Variants in JAG2 observed in about 807,000 individuals in gnomAD.
JAG2 encodes jagged canonical Notch ligand 2.
A neutral mutation model predicts 141.7 loss-of-function variants in JAG2; 46 were observed. The observed-to-expected ratio is 0.32, with a 90% CI of 0.26 to 0.42. The LOEUF (loss-of-function observed/expected upper bound fraction) is 0.42, where lower values mean the gene tolerates loss of function less well. JAG2 is among the 10% of genes least tolerant of loss of function. The pLI, the probability that JAG2 is intolerant of heterozygous loss-of-function variation, is 1.00. For synonymous variants in JAG2, 862 were observed against 763.5 expected, an observed-to-expected ratio of 1.13 and a Z score of -2.13; for missense variants, 1,500 against 1,817.5, an observed-to-expected ratio of 0.83 and a Z score of 3.18.
intron 2 of JAG2, among the ~76,000 whole-genome samples, chr14:105,161,531 G>A (rs587723737): frequency 2.6e-5 from 4 of 152,206 alleles, no homozygotes; most frequent in Admixed American, 6.5e-5. Context: ...ACCTGCTCCC[G>A]CAGGGACGTG....
intron 2 of JAG2, among the ~76,000 whole-genome samples, chr14:105,161,717 T>C (rs79671032): frequency 1.3e-5 from 2 of 152,220 alleles, no homozygotes; most frequent in South Asian, 4.1e-4. Flanking sequence ...CCAGGACTTA[T>C]TTGCCTCTTC....
intron 2 of JAG2, among the ~76,000 whole-genome samples, chr14:105,166,931 G>A (rs746441068): frequency 1.2e-4 from 18 of 152,170 alleles, no homozygotes; most frequent in Non-Finnish European, 2.5e-4. Flanking sequence ...CCGTGCTCCA[G>A]GCAATGAGGT....
rs764681336 is a variant in JAG2 at position 105,155,765 on chromosome 14, C to T, written c.700G>A (p.Gly234Ser). 1.1e-5 allele frequency: 17 copies of T among 1,612,936 alleles called. No individual in the cohort carries two copies. The highest frequency in any genetic ancestry group is 1.7e-5 in the Admixed American group (1 of 60,012). ...TCCTTGCACTCCTTGCCCATCCAGC[C>T]GTCCATGCAGGCCTTGTTGCCGTAC... ...DQYGNKACMDGWMGKECKEAV... is the reference protein window; with the variant it reads ...DQYGNKACMDSWMGKECKEAV... The change falls in exon 4 of 26, where the codon GGC (glycine) becomes AGC (serine). Residue 234 changes from glycine (G) to serine (S), a missense_variant. By Grantham distance (56) the Gly-to-Ser change is moderately conservative. Coordinates refer to ENST00000331782, the MANE Select transcript of JAG2 (RefSeq NM_002226.5).
chr14:105,143,031 CTGG>C lies in JAG2; in HGVS notation c.3378_3380del (p.Asn1126_Gln1127delinsLys), dbSNP rs1888110094. 6.2e-7 allele frequency: 1 copy of C among 1,605,440 alleles called. No homozygotes were observed. The highest frequency in any genetic ancestry group is 8.5e-7 in the Non-Finnish European group (1 of 1,179,678). On this transcript the variant is annotated inframe_deletion, in exon 26 of 26. Coordinates refer to ENST00000331782, the MANE Select transcript of JAG2 (RefSeq NM_002226.5). The stretch of plus-strand genomic sequence containing the variant: ...TGCGGATGGGGTTGAGCGGGGCCCA[CTGG>C]TTGTTGGCGCTCTCCTCCCGCGGCA...
At chr14:105,146,818 GGC>G in intron 20 of JAG2, 94 bp from the exon 21 acceptor site, 1 of 993,118 alleles carries the variant, frequency 1.0e-6, no homozygotes, top group Non-Finnish European at 1.6e-6. Context: ...GTGGCACACA[GGC>G]GCAAGCCCCA....
In JAG2 at chr14:105,143,045, T is replaced by G. The variant is rs755104757; in HGVS notation, c.3367A>C (p.Ser1123Arg). 4 of 1,603,792 alleles carry G rather than the reference T, an allele frequency of 2.5e-6. No homozygotes were observed. The highest frequency in any genetic ancestry group is 4.5e-5 in the East Asian group (2 of 44,880). The change falls in exon 26 of 26, where the codon AGC (serine) becomes CGC (arginine). Residue 1123 changes from serine (S) to arginine (R), a missense_variant. By Grantham distance (110) the Ser-to-Arg change is moderately radical. This residue lies in a region of JAG2 where 425 missense variants were observed against 441.0 expected (regional missense o/e 0.96). Coordinates refer to ENST00000331782, the MANE Select transcript of JAG2 (RefSeq NM_002226.5). ...AGCGGGGCCCACTGGTTGTTGGCGC[T>G]CTCCTCCCGCGGCAGCCGGCTCCTC... Reference protein sequence around the residue: ...RERSRLPREESANNQWAPLNP... With the variant: ...RERSRLPREERANNQWAPLNP...
intron 2 of JAG2, among the ~76,000 whole-genome samples, chr14:105,165,589 C>G (rs1888884735): frequency 1.3e-5 from 2 of 152,188 alleles, no homozygotes; most frequent in African/African-American, 4.8e-5. Context: ...GCACACAGAC[C>G]CCGGCCACAA....
In JAG2 at chr14:105,154,755, T is replaced by C. The variant is rs1230024006; in HGVS notation, c.788+807A>G. On this transcript the variant is annotated intron_variant, in intron 5 of 25. Transcript: ENST00000331782. This position sits in a 1 kb window ranked among gnomAD's most constrained non-coding sequence, Gnocchi z 4.4. Reference sequence around the variant, plus strand: ...GCCTCTCCCACGAGCTTTCTGGGTGTCTCCAGGGACAGGGCAGGCATCGCC... The same window carrying C: ...GCCTCTCCCACGAGCTTTCTGGGTGCCTCCAGGGACAGGGCAGGCATCGCC... Among the ~76,000 whole-genome samples, 1 of 151,578 alleles carries C rather than the reference T, an allele frequency of 6.6e-6. No individual in the cohort carries two copies. The highest frequency in any genetic ancestry group is 2.4e-5 in the African/African-American group (1 of 41,152).
intron 24 of JAG2, among the ~76,000 whole-genome samples, 176 bp from the exon 25 acceptor site, chr14:105,143,814 AGG>A (rs1888140036): frequency 7.7e-6 from 1 of 129,878 alleles, no homozygotes; most frequent in African/African-American, 3.1e-5. Context: ...TAGCGGGGGG[AGG>A]AGTGGAGGGG....
intron 17 of JAG2, 46 bp downstream of exon 17, chr14:105,148,070 G>T: frequency 6.9e-7 from 1 of 1,459,700 alleles, no homozygotes; most frequent in Non-Finnish European, 9.4e-7. Flanking sequence ...GCGGTGCCTG[G>T]GAGGGCATAT....
chr14:105,145,082 C>T lies in JAG2; in HGVS notation c.2953-21G>A, dbSNP rs1236571773. The T allele has an allele frequency of 1.4e-5, 23 of 1,608,584 alleles. 1 individual carries two copies. The East Asian group carries it at 2.9e-4, about 20-fold the overall frequency. On this transcript the variant is annotated intron_variant, in intron 23 of 25. Coordinates refer to ENST00000331782, the MANE Select transcript of JAG2 (RefSeq NM_002226.5). ...GTGCCCTGGGCAGAGACAGGCAGTGCGTGGGCAGGGCAGGGCCGTGAACCT... is the reference window on the plus strand; with the variant it reads ...GTGCCCTGGGCAGAGACAGGCAGTGTGTGGGCAGGGCAGGGCCGTGAACCT...
At chr14:105,156,580 G>A (rs1035156431) in intron 3 of JAG2, among the ~76,000 whole-genome samples, 1 of 151,988 alleles carries the variant, frequency 6.6e-6, no homozygotes, top group African/African-American at 2.4e-5. Flanking sequence ...AGGAGACCAG[G>A]GGCCAGGGGC....
rs767456395 is a variant in JAG2, at chr14:105,143,185, G to A, written c.3242-15C>T. 7 of 1,594,330 alleles carry A rather than the reference G, an allele frequency of 4.4e-6. No individual in the cohort carries two copies. Among genetic ancestry groups the A allele is most frequent in the South Asian group, 2.2e-5 (2 of 90,618 alleles). On this transcript the variant is annotated splice_polypyrimidine_tract_variant and intron_variant, in intron 25 of 25. Coordinates refer to ENST00000331782, the MANE Select transcript of JAG2 (RefSeq NM_002226.5). ...CACCAGCAGACCTGGGGACCGGGGA[G>A]AAGAGCCGGTGGGCAATGAGGCCTG...
chr14:105,162,720 G>C (rs1888790380), intron 2 of JAG2, among the ~76,000 whole-genome samples: 1 of 139,896 alleles, frequency 7.1e-6, no homozygotes, highest in East Asian at 2.1e-4. Flanking sequence ...CCTGCCCAGG[G>C]CACCCTAGAT....
chr14:105,151,343 G>C lies in JAG2; in HGVS notation c.1207C>G (p.Gln403Glu), dbSNP rs1360217815. Reference protein sequence around the residue: ...PCAAGGTCVDQVDGFECICPE... With the variant: ...PCAAGGTCVDEVDGFECICPE... Reference sequence around the variant, plus strand: ...CAGATGCACTCAAAGCCGTCCACCTGGTCCACACAGGTGCCACCGGCCGCA... The same window carrying C: ...CAGATGCACTCAAAGCCGTCCACCTCGTCCACACAGGTGCCACCGGCCGCA... Residue 403 changes from glutamine to glutamate, a missense_variant, in exon 9 of 26, where the codon CAG (glutamine) becomes GAG (glutamate). Physicochemically the swap from Gln to Glu is conservative, Grantham distance 29. Coordinates refer to ENST00000331782, the MANE Select transcript of JAG2 (RefSeq NM_002226.5). The C allele has an allele frequency of 6.2e-7, 1 of 1,612,540 alleles. No individual in the cohort carries two copies. Among genetic ancestry groups the C allele is most frequent in the Non-Finnish European group, 8.5e-7 (1 of 1,180,012 alleles).
At position 105,141,306 on chromosome 14, in the gene JAG2, C is replaced by G. The variant is rs1187208961; in HGVS notation, c.*1389G>C. On this transcript the variant is annotated 3_prime_UTR_variant, in exon 26 of 26. Coordinates refer to ENST00000331782, the MANE Select transcript of JAG2 (RefSeq NM_002226.5). ...GGTGGAAGGGCTGCTTCTCTCCTGC[C>G]TCCATCAAATGCTGACCTTGCCTCT... The G allele has an allele frequency of 6.6e-6, 1 of 152,244 alleles. No homozygotes were observed. The highest frequency in any genetic ancestry group is 1.5e-5 in the Non-Finnish European group (1 of 68,058). 9.4% of individuals were successfully genotyped at this position (152,244 alleles called of 1,614,324 possible).
chr14:105,147,409 T>C lies in JAG2; in HGVS notation c.2396A>G (p.Tyr799Cys). The C allele has an allele frequency of 6.2e-7, 1 of 1,610,056 alleles. No individual in the cohort carries two copies. The highest frequency in any genetic ancestry group is 8.5e-7 in the Non-Finnish European group (1 of 1,178,828). Residue 799 changes from tyrosine to cysteine, a missense_variant and splice_region_variant, in exon 20 of 26, where the codon TAC becomes TGC. Tyr to Cys is a radical substitution (Grantham distance 194). Transcript: ENST00000331782. ...NTNDCNPLPC[Y>C]NGGICVDGVN... ...GCCGTCAACACAGATGCCACCATTGTAGCTGCAGAGCAGAGGGTGGGCATC... is the reference window on the plus strand; with the variant it reads ...GCCGTCAACACAGATGCCACCATTGCAGCTGCAGAGCAGAGGGTGGGCATC...
rs925618455 is a variant in JAG2, at chr14:105,150,984, T to A, written c.1381+7A>T. On this transcript the variant is annotated splice_region_variant and intron_variant, in intron 10 of 25. Coordinates refer to ENST00000331782, the MANE Select transcript of JAG2 (RefSeq NM_002226.5). ...CCCACCCGCCGGCGCCCACCCCCCA[T>A]ACTGACTGATATGGCAGTTGATGCC... is the stretch of plus-strand genomic sequence containing the variant. 1.9e-6 allele frequency: 3 copies of A among 1,610,760 alleles called. No individual in the cohort carries two copies. Among genetic ancestry groups the A allele is most frequent in the Non-Finnish European group, 2.5e-6 (3 of 1,178,898 alleles).
chr14:105,153,904 G>A (rs867252682), intron 5 of JAG2, among the ~76,000 whole-genome samples: 1 of 151,924 alleles, frequency 6.6e-6, no homozygotes, highest in South Asian at 2.1e-4. Flanking sequence ...GGGTGAGTGG[G>A]GCCGACTCCC....
Sources: allele counts gnomAD v4.1 joint callset (sites outside exome capture counted in the v4.1 genomes callset), GRCh38; gene constraint gnomAD v4.1.1; regional missense constraint gnomAD v4.1.1; non-coding constraint Gnocchi (gnomAD v3.1); transcripts MANE v1.5; gene names NCBI Gene and HGNC (gene_info 2026-07-23, HGNC 2026-07-21).